The following MICAL3 variants were observed in gnomAD, a reference collection of about 807,000 sequenced individuals.
The protein encoded by MICAL3 is microtubule associated monooxygenase, calponin and LIM domain containing 3.
A neutral mutation model predicts 207.4 loss-of-function variants in MICAL3; 62 were observed. The ratio of observed to expected loss-of-function variants is 0.30; its 90% CI spans 0.24 to 0.37. The LOEUF (loss-of-function observed/expected upper bound fraction) is 0.37. MICAL3 is among the 10% of genes least tolerant of loss of function. The pLI, the probability that MICAL3 is intolerant of heterozygous loss-of-function variation, is 1.00. For missense variants in MICAL3, 2,368 were observed against 2,635.6 expected (o/e 0.90, Z 2.22); for synonymous variants, 1,077 against 1,069.3 (o/e 1.01, Z -0.14).
chr22:17,801,808 C>T (rs939976190), intron 29 of MICAL3, among the ~76,000 whole-genome samples: 2 of 151,934 alleles, frequency 1.3e-5, no homozygotes, highest in African/African-American at 2.4e-5. Flanking sequence ...GCAGGAGAAT[C>T]GCTTGAACCC....
chr22:17,944,112 A>G (rs1251451208), intron 1 of MICAL3, among the ~76,000 whole-genome samples: 2 of 151,962 alleles, frequency 1.3e-5, no homozygotes, highest in Non-Finnish European at 2.9e-5. Context: ...ACCTGAGTGC[A>G]TGTGTGTGTG....
At chr22:17,980,928 A>G (rs1181489534) in intron 1 of MICAL3, 1 of 533,040 alleles carries the variant, frequency 1.9e-6, no homozygotes, top group East Asian at 5.5e-5. Context: ...CCCGGCCCCC[A>G]CCAGTGCCCT....
chr22:17,830,881 C>G (rs1240943074), intron 21 of MICAL3, among the ~76,000 whole-genome samples: 1 of 152,232 alleles, frequency 6.6e-6, no homozygotes, highest in Non-Finnish European at 1.5e-5. Flanking sequence ...CATCCTGGAG[C>G]TGCACAGCTC....
chr22:17,839,258 A>ATTTTT (rs58568915), intron 20 of MICAL3, among the ~76,000 whole-genome samples: 2 of 110,394 alleles, frequency 1.8e-5, no homozygotes, highest in African/African-American at 7.6e-5. Context: ...CGGGCTCTTC[A>ATTTTT]TTTTTTTTTT....
chr22:17,812,444 C>T (rs1360896616), intron 27 of MICAL3: 44 of 902,868 alleles, frequency 4.9e-5, no homozygotes, highest in African/African-American at 1.4e-4. Flanking sequence ...CCGGGGCCGG[C>T]GCCGGGTGGT....
At chr22:17,833,170 G>C (rs1224221704) in intron 20 of MICAL3, among the ~76,000 whole-genome samples, 2 of 152,238 alleles carry the variant, frequency 1.3e-5, no homozygotes, top group African/African-American at 4.8e-5. Flanking sequence ...AGGGAGGCAG[G>C]ACAGGAACAA....
intron 1 of MICAL3, among the ~76,000 whole-genome samples, chr22:17,952,108 G>T (rs955727354): frequency 6.6e-6 from 1 of 152,210 alleles, no homozygotes; most frequent in East Asian, 1.9e-4. Context: ...GAACGGGACT[G>T]CAGCACTGGC....
In MICAL3 at chr22:17,823,122, T is replaced by G. The variant is rs1000022597; in HGVS notation, c.3194-62A>C. On this transcript the variant is annotated intron_variant, in intron 22 of 31. Transcript: ENST00000441493. ...GAGGACAGACAGACAGGCTGCATCT[T>G]CACGGGGGCGAGAGGTACTGCCTTT... 3.8e-5 allele frequency: 43 copies of G among 1,135,986 alleles called. 1 individual carries two copies. The highest frequency in any genetic ancestry group is 3.9e-4 in the Middle Eastern group (2 of 5,170). The allele number at this position is 1,135,986 out of a possible 1,614,324, so 70.4% of individuals were successfully genotyped here. A position where few individuals can be genotyped will look rare whatever the true frequency, so the allele number is the denominator to read the frequency against.
At chr22:17,866,036 C>G in intron 17 of MICAL3, 24 bp from the exon 18 acceptor site, 2 of 1,567,846 alleles carry the variant, frequency 1.3e-6, no homozygotes, top group Non-Finnish European at 1.8e-6. Flanking sequence ...GAGGCAGGGA[C>G]AGAGGCGATG....
intron 1 of MICAL3, among the ~76,000 whole-genome samples, chr22:17,979,365 C>T (rs533580008): frequency 2.0e-5 from 3 of 151,888 alleles, no homozygotes; most frequent in Non-Finnish European, 4.4e-5. Flanking sequence ...GCCAACGTGG[C>T]GAAACCCCGT....
Position 17,806,340 on chromosome 22 carries a change from G to A in MICAL3, c.5650+2504C>T, listed in dbSNP as rs527679412. Among the ~76,000 whole-genome samples, 3 of 152,192 alleles carry A rather than the reference G, an allele frequency of 2.0e-5. No homozygotes were observed. In the East Asian group the frequency reaches 5.8e-4, roughly 29 times the overall value. ...GTAGGTGGGTAACACGTTTTGCTGC[G>A]GTATTACAGCATGGCTGGGTTTTTG... On this transcript the variant is annotated intron_variant, in intron 29 of 31. Coordinates refer to ENST00000441493, the MANE Select transcript of MICAL3 (RefSeq NM_015241.3).
At chr22:17,792,184 C>T (rs898906479) in intron 29 of MICAL3, among the ~76,000 whole-genome samples, 1 of 152,210 alleles carries the variant, frequency 6.6e-6, no homozygotes, top group African/African-American at 2.4e-5. Context: ...GGTCCTTTTC[C>T]TTGGAGCACA....
At chr22:17,979,753 C>T (rs1935820638) in intron 1 of MICAL3, among the ~76,000 whole-genome samples, 1 of 150,702 alleles carries the variant, frequency 6.6e-6, no homozygotes, top group African/African-American at 2.4e-5. Context: ...TGGAGTGCTG[C>T]TATGAGGCTT....
intron 1 of MICAL3, among the ~76,000 whole-genome samples, chr22:17,960,963 G>A (rs1246695633): frequency 2.0e-5 from 3 of 152,144 alleles, no homozygotes; most frequent in Non-Finnish European, 4.4e-5. Flanking sequence ...AGGCCACCTG[G>A]CAGCTTTGGC....
In MICAL3 at chr22:17,877,495, GGGAGGTTAT is replaced by G. The variant is rs1273683713; in HGVS notation, c.2242-5481_2242-5473del. On this transcript the variant is annotated intron_variant, in intron 16 of 31. Coordinates refer to ENST00000441493, the MANE Select transcript of MICAL3 (RefSeq NM_015241.3). ...GAGGTTAGGGAGGTTATGGAGGTTA[GGGAGGTTAT>G]GGAGGTTAGGGAGGTTAGGGAGGTG... Among the ~76,000 whole-genome samples, 10 of 116,360 alleles carry G rather than the reference GGGAGGTTAT, an allele frequency of 8.6e-5. 2 individuals are homozygous for G. Among genetic ancestry groups the G allele is most frequent in the Admixed American group, 1.6e-4 (2 of 12,356 alleles). 76.3% of individuals were successfully genotyped at this position (116,360 alleles called of 152,430 possible).
intron 1 of MICAL3, among the ~76,000 whole-genome samples, chr22:17,910,594 G>A (rs1474652690): frequency 1.3e-5 from 2 of 152,152 alleles, no homozygotes; most frequent in African/African-American, 2.4e-5. Context: ...CAATGCGACC[G>A]GCACCCAAGG....
intron 17 of MICAL3, among the ~76,000 whole-genome samples, chr22:17,868,829 C>A (rs2146155751): frequency 6.6e-6 from 1 of 152,016 alleles, no homozygotes; most frequent in East Asian, 1.9e-4. Context: ...CCGAGAGCCC[C>A]CAGGCAAGCA....
Position 17,877,205 on chromosome 22 carries a change from T to G in MICAL3, c.2242-5182A>C, listed in dbSNP as rs1439021265. Among the ~76,000 whole-genome samples, 21 of 78,022 alleles carry G rather than the reference T, an allele frequency of 2.7e-4. 1 individual carries two copies. The highest frequency in any genetic ancestry group is 5.9e-4 in the Admixed American group (5 of 8,502). 51.2% of individuals were successfully genotyped at this position (78,022 alleles called of 152,430 possible). A position where few individuals can be genotyped will look rare whatever the true frequency, so the allele number is the denominator to read the frequency against. On this transcript the variant is annotated intron_variant, in intron 16 of 31. Transcript: ENST00000441493. ...GGGAAGTTATGGAGGTTAGGGAGGT[T>G]ATGGAGGTTATGGAGGTTAGGGAGG...
At position 17,818,446 on chromosome 22, in the gene MICAL3, C is replaced by T; in HGVS notation, c.4215G>A (p.Arg1405=). ...EGEPLSLPTP[R]SPSDRELRSA... is the part of the protein sequence containing the mutation. ...TGCGTAGCTCTCTGTCGGACGGGGACCGGGGGGTTGGCAGGGACAACGGCT... is the reference window on the plus strand; with the variant it reads ...TGCGTAGCTCTCTGTCGGACGGGGATCGGGGGGTTGGCAGGGACAACGGCT... The change falls in exon 26 of 32, where the codon CGG becomes CGA. Residue 1405 remains arginine, a synonymous_variant. Transcript: ENST00000441493. 6.2e-7 allele frequency: 1 copy of T among 1,612,846 alleles called. No individual in the cohort carries two copies. The highest frequency in any genetic ancestry group is 1.1e-5 in the South Asian group (1 of 91,086).
Sources: allele counts gnomAD v4.1 joint callset (sites outside exome capture counted in the v4.1 genomes callset), GRCh38; gene constraint gnomAD v4.1.1; transcripts MANE v1.5; gene names NCBI Gene and HGNC (gene_info 2026-07-23, HGNC 2026-07-21).